The following UBL3 variants were observed in gnomAD, a reference collection of about 807,000 sequenced individuals.
UBL3 encodes the protein ubiquitin-like protein 3.
In UBL3, 6 loss-of-function variants were observed where a neutral mutation model predicts 18.4. The observed-to-expected ratio is 0.33, with a 90% CI of 0.18 to 0.64. The LOEUF is 0.64. UBL3 is among the 30% of genes least tolerant of loss of function. The probability of loss-of-function intolerance (pLI) is 0.76; values close to 1 mark genes in which losing one functional copy is unlikely to be tolerated. For missense variants in UBL3, 109 were observed against 142.9 expected, an observed-to-expected ratio of 0.76 and a Z score of 1.21; for synonymous variants, 49 against 46.6, an observed-to-expected ratio of 1.05 and a Z score of -0.21.
At chr13:29,815,518 A>G (rs1878246907) in intron 1 of UBL3, among the ~76,000 whole-genome samples, 1 of 152,180 alleles carries the variant, frequency 6.6e-6, no homozygotes, top group Non-Finnish European at 1.5e-5. Flanking sequence ...AGGAATATGT[A>G]TAACCCACAG....
At chr13:29,767,590 T>G (rs778870384) in intron 4 of UBL3, 28 bp downstream of exon 4, 2 of 1,608,032 alleles carry the variant, frequency 1.2e-6, no homozygotes, top group African/African-American at 2.7e-5. Flanking sequence ...GTGCCTCAAC[T>G]GAGATACTTT....
At chr13:29,783,373 G>A (rs1038758731) in intron 1 of UBL3, among the ~76,000 whole-genome samples, 1 of 152,164 alleles carries the variant, frequency 6.6e-6, no homozygotes, top group Non-Finnish European at 1.5e-5. Flanking sequence ...TCTTAATTGG[G>A]CCTATGCTTA....
At chr13:29,782,256 G>A (rs971702497) in intron 1 of UBL3, among the ~76,000 whole-genome samples, 1 of 151,842 alleles carries the variant, frequency 6.6e-6, no homozygotes, top group Non-Finnish European at 1.5e-5. Flanking sequence ...CTTGTGAGAG[G>A]AAAACCAAAC....
intron 3 of UBL3, among the ~76,000 whole-genome samples, chr13:29,768,052 G>T (rs1454137037): frequency 6.6e-6 from 1 of 151,910 alleles, no homozygotes; most frequent in African/African-American, 2.4e-5. Flanking sequence ...TAGATTAAGA[G>T]ATATTCATTT....
chr13:29,827,175 G>A (rs939975120), intron 1 of UBL3, among the ~76,000 whole-genome samples: 1 of 152,190 alleles, frequency 6.6e-6, no homozygotes. Flanking sequence ...ATTTGCAGTG[G>A]AGAGTTCTGT....
At chr13:29,801,744 C>A (rs1877772361) in intron 1 of UBL3, among the ~76,000 whole-genome samples, 1 of 152,152 alleles carries the variant, frequency 6.6e-6, no homozygotes, top group Non-Finnish European at 1.5e-5. Context: ...AGACTGTCTC[C>A]CCGCAAAGTC....
chr13:29,837,273 C>T (rs1878981201), intron 1 of UBL3, among the ~76,000 whole-genome samples: 1 of 151,992 alleles, frequency 6.6e-6, no homozygotes, highest in African/African-American at 2.4e-5. Flanking sequence ...GTATGACGGT[C>T]ATCAGACAGG....
At chr13:29,793,591 C>A (rs953350149) in intron 1 of UBL3, among the ~76,000 whole-genome samples, 23 of 152,162 alleles carry the variant, frequency 1.5e-4, no homozygotes, top group African/African-American at 5.3e-4. Context: ...ATAAATTACT[C>A]AAATATTCTA....
chr13:29,842,743 AT>A (rs11450824), intron 1 of UBL3, among the ~76,000 whole-genome samples: 1 of 152,098 alleles, frequency 6.6e-6, no homozygotes, highest in Admixed American at 6.5e-5. Flanking sequence ...GTTATGTGTA[AT>A]TTTTTTATCA....
At chr13:29,795,929 T>A (rs1435182014) in intron 1 of UBL3, among the ~76,000 whole-genome samples, 2 of 151,412 alleles carry the variant, frequency 1.3e-5, no homozygotes, top group Non-Finnish European at 2.9e-5. Context: ...AAGACTTTGA[T>A]CTCTCTTTTT....
chr13:29,821,252 C>G (rs945554466), intron 1 of UBL3, among the ~76,000 whole-genome samples: 1 of 152,112 alleles, frequency 6.6e-6, no homozygotes, highest in African/African-American at 2.4e-5. Context: ...TATATTTATA[C>G]TTTTTTAACC....
At chr13:29,833,763 G>A (rs1040395738) in intron 1 of UBL3, among the ~76,000 whole-genome samples, 1 of 151,930 alleles carries the variant, frequency 6.6e-6, no homozygotes, top group Non-Finnish European at 1.5e-5. Flanking sequence ...CACTTATTTT[G>A]TTCAATGTCT....
rs201006689 is a variant in UBL3, at chr13:29,842,134, C to CTTTTTTTTT, written c.27+7369_27+7377dup. Among the ~76,000 whole-genome samples the CTTTTTTTTT allele has an allele frequency of 3.0e-4, 39 of 128,044 alleles. 2 individuals are homozygous for CTTTTTTTTT. Among genetic ancestry groups the CTTTTTTTTT allele is most frequent in the African/African-American group, 5.7e-4 (17 of 29,648 alleles). 84.0% of individuals were successfully genotyped at this position (128,044 alleles called of 152,430 possible). On this transcript the variant is annotated intron_variant, in intron 1 of 4. Coordinates refer to ENST00000380680, the MANE Select transcript of UBL3 (RefSeq NM_007106.4). The stretch of plus-strand genomic sequence containing the variant: ...ACTGAAAACTCCTCCCATTCTCTTT[C>CTTTTTTTTT]TTTTTTTTTTTTTTTTTTTTTTTTA...
rs566653500 is a variant in UBL3 at position 29,835,318 on chromosome 13, T to C, written c.27+14194A>G. Among the ~76,000 whole-genome samples the C allele has an allele frequency of 9.3e-5, 14 of 150,062 alleles. No homozygotes were observed. In the East Asian group the frequency reaches 2.5e-3, roughly 27 times the overall value. On this transcript the variant is annotated intron_variant, in intron 1 of 4. Coordinates refer to ENST00000380680, the MANE Select transcript of UBL3 (RefSeq NM_007106.4). ...GGGAGTAAAGGCTCTCAACTTTAGATGTCAGGAAAAGCTTCTCTGAAGAAA... is the reference window on the plus strand; with the variant it reads ...GGGAGTAAAGGCTCTCAACTTTAGACGTCAGGAAAAGCTTCTCTGAAGAAA...
Position 29,796,300 on chromosome 13 carries a change from C to A in UBL3, c.28-19037G>T, listed in dbSNP as rs543975963. 3.3e-5 allele frequency among the ~76,000 whole-genome samples: 5 copies of A among 152,034 alleles called. No homozygotes were observed. The East Asian group carries it at 9.6e-4, about 29-fold the overall frequency. The stretch of plus-strand genomic sequence containing the variant: ...CAAAAAAAATTCAAAAAATTAGTCC[C>A]AGTTTTTAAAGTTACCTTTAAGTTT... On this transcript the variant is annotated intron_variant, in intron 1 of 4. Transcript: ENST00000380680.
rs1877085416 is a variant in UBL3, at chr13:29,779,396, A to C, written c.28-2133T>G. The C allele has an allele frequency of 1.2e-5, 3 of 250,154 alleles. No individual in the cohort carries two copies. The South Asian group carries it at 1.2e-4, about 10-fold the overall frequency. The allele number at this position is 250,154 out of a possible 1,614,324, so 15.5% of individuals were successfully genotyped here. On this transcript the variant is annotated intron_variant, in intron 1 of 4. Coordinates refer to ENST00000380680, the MANE Select transcript of UBL3 (RefSeq NM_007106.4). ...AGCCACTTGTGTTTAACTAGAAAAA[A>C]TATAATTAAATTCAAGCTTTCTAAT...
At chr13:29,789,951 T>C (rs1319102103) in intron 1 of UBL3, among the ~76,000 whole-genome samples, 1 of 152,220 alleles carries the variant, frequency 6.6e-6, no homozygotes, top group East Asian at 1.9e-4. Context: ...TCTTTAATAT[T>C]AGAATAAAAT....
intron 1 of UBL3, among the ~76,000 whole-genome samples, chr13:29,834,090 G>A (rs1179827177): frequency 1.3e-5 from 2 of 151,944 alleles, no homozygotes; most frequent in Non-Finnish European, 2.9e-5. Flanking sequence ...AGGAGGCTGA[G>A]GCAGGAGAAT....
At chr13:29,821,591 C>T (rs1878447868) in intron 1 of UBL3, among the ~76,000 whole-genome samples, 1 of 152,170 alleles carries the variant, frequency 6.6e-6, no homozygotes, top group Non-Finnish European at 1.5e-5. Flanking sequence ...TCCAAAAGAA[C>T]ATGCTAACTT....
Sources: gnomAD v4.1 joint callset for allele counts (sites outside exome capture counted in the v4.1 genomes callset) on GRCh38, gnomAD v4.1.1 for gene constraint, MANE v1.5 for transcripts, NCBI Gene and HGNC (gene_info 2026-07-23, HGNC 2026-07-21) for gene names.